Variants in CNDP2 observed in about 807,000 individuals in gnomAD.
The protein encoded by CNDP2 is cytosolic non-specific dipeptidase.
A neutral mutation model predicts 55.0 loss-of-function variants in CNDP2; 38 were observed. The observed-to-expected ratio is 0.69, with a 90% CI of 0.53 to 0.90. CNDP2 has a LOEUF of 0.90. CNDP2 is among the 40% of genes least tolerant of loss of function. The probability of loss-of-function intolerance (pLI) is 0.00; values close to 1 mark genes in which losing one functional copy is unlikely to be tolerated. For synonymous variants in CNDP2, 241 were observed against 260.2 expected (o/e 0.93, Z 0.71); for missense variants, 607 against 621.7 (o/e 0.98, Z 0.25).
intron 3 of CNDP2, among the ~76,000 whole-genome samples, chr18:74,504,526 G>T (rs1978903609): frequency 6.6e-6 from 1 of 152,264 alleles, no homozygotes; most frequent in African/African-American, 2.4e-5. Flanking sequence ...CTGCAGTTTG[G>T]AAGGGACACT....
chr18:74,512,793 C>A (rs1478003159), intron 7 of CNDP2, among the ~76,000 whole-genome samples: 1 of 152,182 alleles, frequency 6.6e-6, no homozygotes, highest in African/African-American at 2.4e-5. Flanking sequence ...AACTCAGTCA[C>A]CCCCAGGTCC....
chr18:74,516,473 G>A (rs1020327009), intron 9 of CNDP2, 81 bp downstream of exon 9: 12 of 1,376,102 alleles, frequency 8.7e-6, no homozygotes, highest in Admixed American at 2.6e-5. Context: ...GCTGTTACTC[G>A]ACAGACACCC....
chr18:74,513,529 A>C, intron 7 of CNDP2, 30 bp from the exon 8 acceptor site: 1 of 1,595,158 alleles, frequency 6.3e-7, no homozygotes, highest in Non-Finnish European at 8.5e-7. Flanking sequence ...GCCTCCCCTG[A>C]GTGCTGTAAC....
chr18:74,512,975 G>T (rs1197378751), intron 7 of CNDP2, among the ~76,000 whole-genome samples: 1 of 152,212 alleles, frequency 6.6e-6, no homozygotes, highest in African/African-American at 2.4e-5. Flanking sequence ...GCTGTTCCCG[G>T]TGTCCTCCTG....
At chr18:74,509,547 C>T (rs35398988) in intron 5 of CNDP2, 17,498 of 151,648 alleles carry the variant, frequency 0.12, 1,439 homozygotes, top group Non-Finnish European at 0.17. Context: ...GCAAGAAAAT[C>T]GCCTGAACCA....
Position 74,513,649 on chromosome 18 carries a change from A to G in CNDP2, c.833A>G (p.Asp278Gly). The G allele has an allele frequency of 6.2e-7, 1 of 1,614,112 alleles. No individual in the cohort carries two copies. The highest frequency in any genetic ancestry group is 8.5e-7 in the Non-Finnish European group (1 of 1,180,024). Residue 278 changes from aspartate (D) to glycine (G), a missense_variant, in exon 8 of 12, where the codon GAC becomes GGC. Transcript: ENST00000324262. ...ACGGAAGAGGAGCACAAGCTGTACG[A>G]CGACATCGACTTTGACATAGAGGAG... is the stretch of plus-strand genomic sequence containing the variant. Reference protein sequence around the residue: ...AVTEEEHKLYDDIDFDIEEFA... With the variant: ...AVTEEEHKLYGDIDFDIEEFA...
chr18:74,508,939 C>G lies in CNDP2; in HGVS notation c.456+11C>G, dbSNP rs199565959. The G allele has an allele frequency of 1.6e-3, 2,598 of 1,612,014 alleles. 6 individuals are homozygous for G. The highest frequency in any genetic ancestry group is 2.2e-3 in the South Asian group (199 of 91,008). On this transcript the variant is annotated intron_variant, in intron 5 of 11. Coordinates refer to ENST00000324262, the MANE Select transcript of CNDP2 (RefSeq NM_018235.3). Reference sequence around the variant, plus strand: ...CAGAAAACAGGCCAGGTATGCCCCCCACGCTGACTTCTGCCTGAGTCCTGG... The same window carrying G: ...CAGAAAACAGGCCAGGTATGCCCCCGACGCTGACTTCTGCCTGAGTCCTGG...
intron 1 of CNDP2, among the ~76,000 whole-genome samples, chr18:74,498,758 A>T (rs1978535033): frequency 6.6e-6 from 1 of 152,214 alleles, no homozygotes; most frequent in South Asian, 2.1e-4. Context: ...GCTCCTCCAA[A>T]TGAGTGCCTC....
intron 4 of CNDP2, 133 bp from the exon 5 acceptor site, chr18:74,508,707 G>T: frequency 1.5e-6 from 1 of 666,160 alleles, no homozygotes; most frequent in Non-Finnish European, 2.7e-6. Flanking sequence ...GTGGAAATTG[G>T]GGGCTCCTGA....
At chr18:74,505,469 G>A (rs920015165) in intron 3 of CNDP2, among the ~76,000 whole-genome samples, 6 of 151,960 alleles carry the variant, frequency 3.9e-5, no homozygotes, top group Non-Finnish European at 7.4e-5. Flanking sequence ...CATGGTGGCC[G>A]GCACCTGTAA....
At position 74,516,390 on chromosome 18, in the gene CNDP2, C is replaced by G; in HGVS notation, c.1066C>G (p.Gln356Glu). 1.2e-6 allele frequency: 2 copies of G among 1,607,868 alleles called. No individual in the cohort carries two copies. The highest frequency in any genetic ancestry group is 1.7e-6 in the Non-Finnish European group (2 of 1,176,396). Residue 356 changes from glutamine (Q) to glutamate (E), a missense_variant and splice_region_variant, in exon 9 of 12, where the codon CAG (glutamine) becomes GAG (glutamate). Gln to Glu is a conservative substitution (Grantham distance 29). Coordinates refer to ENST00000324262, the MANE Select transcript of CNDP2 (RefSeq NM_018235.3). ...CATGACTCCTGAAGTCGTCGGCGAG[C>G]AGGCATGTGGGGCTGGGACACGGGG... Reference protein sequence around the residue: ...PNMTPEVVGEQVTSYLTKKFA... With the variant: ...PNMTPEVVGEEVTSYLTKKFA...
rs371508147 is a variant in CNDP2 at position 74,508,903 on chromosome 18, T to C, written c.431T>C (p.Leu144Pro). 1.2e-5 allele frequency: 20 copies of C among 1,613,930 alleles called. No individual in the cohort carries two copies. The highest frequency in any genetic ancestry group is 1.7e-5 in the Non-Finnish European group (20 of 1,179,992). ...KGPVAGWINALEAYQKTGQEI... is the reference protein window; with the variant it reads ...KGPVAGWINAPEAYQKTGQEI... ...CCGGTGGCCGGCTGGATAAACGCCC[T>C]GGAAGCGTATCAGAAAACAGGCCAG... is the stretch of plus-strand genomic sequence containing the variant. The change falls in exon 5 of 12, where the codon CTG (leucine) becomes CCG (proline). Residue 144 changes from leucine (L) to proline (P), a missense_variant. Coordinates refer to ENST00000324262, the MANE Select transcript of CNDP2 (RefSeq NM_018235.3).
At chr18:74,504,159 G>A (rs1319797910) in intron 3 of CNDP2, among the ~76,000 whole-genome samples, 33 of 145,222 alleles carry the variant, frequency 2.3e-4, no homozygotes, top group Non-Finnish European at 4.0e-4. Flanking sequence ...AATGAGGGGC[G>A]TCAGGCCATA....
In CNDP2 at chr18:74,505,871, C is replaced by T. The variant is rs751626393; in HGVS notation, c.227C>T (p.Pro76Leu). 28 of 1,611,450 alleles carry T rather than the reference C, an allele frequency of 1.7e-5. No homozygotes were observed. The highest frequency in any genetic ancestry group is 1.6e-4 in the Middle Eastern group (1 of 6,076). ...CAGCTCCCTGATGGCTCGGAGATCC[C>T]GCTCCCTCCTATTCTGCTCGGCAGG... ...KQKLPDGSEI[P>L]LPPILLGRLG... The change falls in exon 4 of 12, where the codon CCG becomes CTG. Residue 76 changes from proline to leucine, a missense_variant. Physicochemically the swap from Pro to Leu is moderately conservative, Grantham distance 98. Coordinates refer to ENST00000324262, the MANE Select transcript of CNDP2 (RefSeq NM_018235.3).
At chr18:74,501,867 G>A (rs1175439563) in intron 3 of CNDP2, among the ~76,000 whole-genome samples, 1 of 152,004 alleles carries the variant, frequency 6.6e-6, no homozygotes, top group Non-Finnish European at 1.5e-5. Context: ...CTCACACACA[G>A]TGCTGCGTCC....
intron 3 of CNDP2, among the ~76,000 whole-genome samples, chr18:74,503,977 C>T (rs1599061393): frequency 6.7e-6 from 1 of 148,528 alleles, no homozygotes; most frequent in East Asian, 2.0e-4. Flanking sequence ...GCCACACTGC[C>T]GCTGGGACAA....
rs1978976495 is a variant in CNDP2 at position 74,505,739 on chromosome 18, T to A, written c.205-110T>A. On this transcript the variant is annotated intron_variant, in intron 3 of 11. Coordinates refer to ENST00000324262, the MANE Select transcript of CNDP2 (RefSeq NM_018235.3). ...TGCTCTTAAACTCTACAATAGAGGT[T>A]GATTGATAAGGACAGATAAGGAAGC... 5.1e-6 allele frequency: 6 copies of A among 1,180,540 alleles called. No individual in the cohort carries two copies. The Admixed American group carries it at 1.5e-4, about 30-fold the overall frequency. The allele number at this position is 1,180,540 out of a possible 1,614,324, so 73.1% of individuals were successfully genotyped here. A position where few individuals can be genotyped will look rare whatever the true frequency, so the allele number is the denominator to read the frequency against.
chr18:74,518,756 G>A (rs200932684), intron 10 of CNDP2, 116 bp downstream of exon 10: 52 of 1,462,776 alleles, frequency 3.6e-5, no homozygotes, highest in East Asian at 3.4e-4. Context: ...TCGTGGGGGC[G>A]TGTAGTTAAG....
chr18:74,514,180 G>A lies in CNDP2; in HGVS notation c.903+461G>A, dbSNP rs569061956. On this transcript the variant is annotated intron_variant, in intron 8 of 11. Transcript: ENST00000324262. The stretch of plus-strand genomic sequence containing the variant: ...AGTTCTGCAGGCTGTAGGGTTATGC[G>A]GTATAGATGTAACTTCTGCGGGCTC... 5.9e-5 allele frequency among the ~76,000 whole-genome samples: 9 copies of A among 152,222 alleles called. No individual in the cohort carries two copies. In the South Asian group the frequency reaches 1.0e-3, roughly 18 times the overall value.
Sources: gnomAD v4.1 joint callset for allele counts (sites outside exome capture counted in the v4.1 genomes callset) on GRCh38, gnomAD v4.1.1 for gene constraint, MANE v1.5 for transcripts, NCBI Gene and HGNC (gene_info 2026-07-23, HGNC 2026-07-21) for gene names.